Variants in PTPRE observed in about 807,000 individuals in gnomAD.
The protein encoded by PTPRE is receptor-type tyrosine-protein phosphatase epsilon.
A neutral mutation model predicts 102.0 loss-of-function variants in PTPRE; 51 were observed. The observed-to-expected ratio is 0.50, with a 90% CI of 0.40 to 0.63. The LOEUF is 0.63. Ranked by LOEUF, PTPRE falls within the 30% of genes least tolerant of loss-of-function variation. The pLI is 0.00. For synonymous variants in PTPRE, 345 were observed against 348.2 expected (o/e 0.99, Z 0.10); for missense variants, 752 against 915.1 (o/e 0.82, Z 2.30).
intron 1 of PTPRE, among the ~76,000 whole-genome samples, chr10:127,955,983 C>T (rs1849374708): frequency 6.6e-6 from 1 of 152,094 alleles, no homozygotes. Flanking sequence ...CAGTTACTTC[C>T]CACCAAGCCC....
intron 1 of PTPRE, among the ~76,000 whole-genome samples, chr10:127,913,704 C>G (rs184697126): frequency 6.6e-6 from 1 of 152,288 alleles, no homozygotes; most frequent in East Asian, 1.9e-4. Flanking sequence ...ACAGCCCAGA[C>G]GAAATGGAAG....
chr10:127,984,487 G>A (rs907069706), intron 2 of PTPRE, among the ~76,000 whole-genome samples: 3 of 152,188 alleles, frequency 2.0e-5, no homozygotes, highest in African/African-American at 7.2e-5. Flanking sequence ...CACGAGGAAA[G>A]GGTATTTGAA....
chr10:127,975,781 C>T (rs546971945), intron 1 of PTPRE, among the ~76,000 whole-genome samples: 1 of 152,258 alleles, frequency 6.6e-6, no homozygotes, highest in Non-Finnish European at 1.5e-5. Flanking sequence ...TTTCAGAGTC[C>T]GAGCCCAATT....
At chr10:128,077,485 C>A in intron 18 of PTPRE, 132 bp from the exon 19 acceptor site, 1 of 1,170,484 alleles carries the variant, frequency 8.5e-7, no homozygotes, top group South Asian at 1.6e-5. Context: ...CAGGCTGCCT[C>A]GGTGGGGATG....
intron 1 of PTPRE, among the ~76,000 whole-genome samples, chr10:127,930,061 C>CAAAAAAAA (rs941241176): frequency 5.5e-5 from 4 of 72,792 alleles, no homozygotes; most frequent in Admixed American, 1.5e-4. Flanking sequence ...GATTCCATCT[C>CAAAAAAAA]AAAAAAAAAA....
chr10:128,041,045 G>A, intron 3 of PTPRE, 55 bp downstream of exon 3: 1 of 1,472,352 alleles, frequency 6.8e-7, no homozygotes, highest in South Asian at 1.2e-5. Context: ...AAGCTCCTGG[G>A]ACCATTCAGA....
intron 1 of PTPRE, among the ~76,000 whole-genome samples, chr10:127,980,524 G>C (rs916316901): frequency 6.6e-6 from 1 of 151,894 alleles, no homozygotes; most frequent in African/African-American, 2.4e-5. Context: ...TATTGCATTG[G>C]CTATGATTTC....
chr10:127,967,137 C>T (rs1564835086), intron 1 of PTPRE, among the ~76,000 whole-genome samples: 1 of 152,196 alleles, frequency 6.6e-6, no homozygotes, highest in Non-Finnish European at 1.5e-5. Flanking sequence ...GGGCAGATGA[C>T]ATGCTCAGTG....
intron 12 of PTPRE, 87 bp downstream of exon 12, chr10:128,068,373 T>C: frequency 3.4e-6 from 5 of 1,461,708 alleles, no homozygotes; most frequent in Non-Finnish European, 4.6e-6. Context: ...AGGGGACCAA[T>C]ATCAGGGTGG....
intron 2 of PTPRE, among the ~76,000 whole-genome samples, chr10:127,995,484 A>G (rs1053743753): frequency 6.6e-6 from 1 of 152,118 alleles, no homozygotes; most frequent in African/African-American, 2.4e-5. Flanking sequence ...GGATCTGCAG[A>G]TCCAGAATAG....
chr10:128,001,297 G>C lies in PTPRE; in HGVS notation c.-8+19001G>C, dbSNP rs551868681. Among the ~76,000 whole-genome samples the C allele has an allele frequency of 5.6e-4, 85 of 152,310 alleles. 1 individual carries two copies. The highest frequency in any genetic ancestry group is 1.9e-3 in the African/African-American group (78 of 41,566). On this transcript the variant is annotated intron_variant, in intron 2 of 20. Coordinates refer to ENST00000254667, the MANE Select transcript of PTPRE (RefSeq NM_006504.6). ...TATAGAAGTGGGAAGTTCTCAGGAA[G>C]TCTTCAGCTTTGGATCTGCTTTCAC...
chr10:127,995,794 C>T (rs911717120), intron 2 of PTPRE, among the ~76,000 whole-genome samples: 1 of 151,168 alleles, frequency 6.6e-6, no homozygotes, highest in African/African-American at 2.4e-5. Flanking sequence ...ATTTAGCATT[C>T]TGTCCATGTT....
intron 2 of PTPRE, among the ~76,000 whole-genome samples, chr10:128,019,883 G>A (rs556024768): frequency 4.6e-5 from 7 of 152,212 alleles, no homozygotes; most frequent in African/African-American, 1.7e-4. Flanking sequence ...TGGGGTGGAC[G>A]GCCTGGCTTT....
chr10:127,944,466 A>ACG lies in PTPRE; in HGVS notation c.-31+37157_-31+37158insCG, dbSNP rs1848474693. On this transcript the variant is annotated intron_variant, in intron 1 of 20. Transcript: ENST00000254667. The surrounding 1 kb of genome is among the most constrained non-coding windows in gnomAD (Gnocchi z 4.2). ...TGGACAGATGGATGGATACATGGAC[A>ACG]GACGGATGGATGGATGGATGGATGG... Among the ~76,000 whole-genome samples the ACG allele has an allele frequency of 4.1e-5, 3 of 73,934 alleles. No homozygotes were observed. The highest frequency in any genetic ancestry group is 1.0e-4 in the Non-Finnish European group (3 of 30,044). The allele number at this position is 73,934 out of a possible 152,430, so 48.5% of individuals were successfully genotyped here.
intron 2 of PTPRE, among the ~76,000 whole-genome samples, chr10:128,013,615 C>T (rs2135632404): frequency 6.6e-6 from 1 of 152,234 alleles, no homozygotes; most frequent in South Asian, 2.1e-4. Context: ...GAGGCGGGGC[C>T]TTGGGAGGTG....
At chr10:127,943,278 G>T (rs1261600832) in intron 1 of PTPRE, among the ~76,000 whole-genome samples, 2 of 152,126 alleles carry the variant, frequency 1.3e-5, no homozygotes, top group African/African-American at 4.8e-5. Context: ...GTTTCAAGAT[G>T]ATTTTTAAAA....
chr10:128,048,731 G>A (rs1414398734), intron 5 of PTPRE, among the ~76,000 whole-genome samples: 1 of 152,188 alleles, frequency 6.6e-6, no homozygotes, highest in African/African-American at 2.4e-5. Context: ...GTGAGTAGCA[G>A]GGAAGCTCAG....
chr10:128,049,237 G>A (rs1848347779), intron 5 of PTPRE, among the ~76,000 whole-genome samples: 1 of 152,128 alleles, frequency 6.6e-6, no homozygotes, highest in Non-Finnish European at 1.5e-5. Context: ...AGAGGTGGGA[G>A]GGTGGGTGGA....
intron 1 of PTPRE, among the ~76,000 whole-genome samples, chr10:127,978,469 A>T (rs1334414294): frequency 6.6e-6 from 1 of 152,146 alleles, no homozygotes; most frequent in African/African-American, 2.4e-5. Context: ...TGAGCCCAGG[A>T]CATCAAGCCT....
Sources: allele counts gnomAD v4.1 joint callset (sites outside exome capture counted in the v4.1 genomes callset), GRCh38; gene constraint gnomAD v4.1.1; non-coding constraint Gnocchi (gnomAD v3.1); transcripts MANE v1.5; gene names NCBI Gene and HGNC (gene_info 2026-07-23, HGNC 2026-07-21).